ZNF26: variants seen among roughly 807,000 people sequenced by gnomAD.
The protein encoded by ZNF26 is epididymis luminal protein 179.
In ZNF26, 32 loss-of-function variants were observed where a neutral mutation model predicts 54.9. The ratio of observed to expected loss-of-function variants is 0.58; its 90% CI spans 0.44 to 0.78. ZNF26 has a LOEUF of 0.78. ZNF26 is among the 30% of genes least tolerant of loss of function. The pLI, the probability that ZNF26 is intolerant of heterozygous loss-of-function variation, is 0.00. For synonymous variants in ZNF26, 221 were observed against 209.2 expected, an observed-to-expected ratio of 1.06 and a Z score of -0.49; for missense variants, 524 against 634.0, an observed-to-expected ratio of 0.83 and a Z score of 1.86.
intron 3 of ZNF26, among the ~76,000 whole-genome samples, chr12:133,008,524 C>T (rs11837168): frequency 0.017 from 2,608 of 152,200 alleles, 78 homozygotes; most frequent in African/African-American, 0.059. Flanking sequence ...TGCCTGTAAT[C>T]CCAGCACTTT....
chr12:132,987,204 C>T (rs369026574), intron 1 of ZNF26, among the ~76,000 whole-genome samples: 2,382 of 152,314 alleles, frequency 0.016, 62 homozygotes, highest in African/African-American at 0.055. Context: ...GAGAAATGAT[C>T]AGTTCCTCCT....
chr12:132,998,052 G>A (rs1309434388), intron 1 of ZNF26, among the ~76,000 whole-genome samples: 5 of 151,810 alleles, frequency 3.3e-5, no homozygotes, highest in African/African-American at 1.2e-4. Flanking sequence ...CAACTTATTT[G>A]CAAATAAATT....
chr12:133,011,411 A>C lies in ZNF26; in HGVS notation c.1532A>C (p.Lys511Thr), dbSNP rs1953469956. Residue 511 changes from lysine to threonine, a missense_variant, in exon 4 of 4, where the codon AAA (lysine) becomes ACA (threonine). Transcript: ENST00000328654. ...QRVHTGEKPWKCSECGKSFCW... is the reference protein window; with the variant it reads ...QRVHTGEKPWTCSECGKSFCW... ...GTTCACACCGGAGAGAAACCATGGA[A>C]ATGCTCTGAATGTGGGAAATCCTTC... 5.0e-6 allele frequency: 8 copies of C among 1,599,108 alleles called. No individual in the cohort carries two copies. The highest frequency in any genetic ancestry group is 6.8e-6 in the Non-Finnish European group (8 of 1,173,832).
chr12:133,002,298 A>G (rs1953235720), intron 1 of ZNF26, among the ~76,000 whole-genome samples: 1 of 152,014 alleles, frequency 6.6e-6, no homozygotes, highest in African/African-American at 2.4e-5. Flanking sequence ...TCCCCACAGG[A>G]TGCCCAGAAT....
intron 1 of ZNF26, among the ~76,000 whole-genome samples, chr12:132,990,309 C>G (rs1379509136): frequency 6.6e-6 from 1 of 152,110 alleles, no homozygotes; most frequent in African/African-American, 2.4e-5. Flanking sequence ...AAAGTTTTTT[C>G]TGCATCTATC....
At position 133,024,933 on chromosome 12, in the gene ZNF26, A is replaced by C. The variant is rs1953682852; in HGVS notation, c.*13452A>C. ...GATGCTAACTTTACAGATAAGGACA[A>C]ACTGTATAAAAAAAGATATTTGAAC... On this transcript the variant is annotated 3_prime_UTR_variant, in exon 4 of 4. Coordinates refer to ENST00000328654, the MANE Select transcript of ZNF26 (RefSeq NM_019591.4). The C allele has an allele frequency of 6.6e-6, 1 of 152,232 alleles. No homozygotes were observed. The highest frequency in any genetic ancestry group is 1.5e-5 in the Non-Finnish European group (1 of 68,044). The allele number at this position is 152,232 out of a possible 1,614,324, so 9.4% of individuals were successfully genotyped here. A position where few individuals can be genotyped will look rare whatever the true frequency, so the allele number is the denominator to read the frequency against.
intron 1 of ZNF26, chr12:133,006,387 G>A (rs1337313875): frequency 1.4e-6 from 1 of 710,166 alleles, no homozygotes. Flanking sequence ...GACTACTTGA[G>A]TGGCTCTCTT....
chr12:133,025,867 C>T lies in ZNF26; in HGVS notation c.*14386C>T, dbSNP rs1953696464. On this transcript the variant is annotated 3_prime_UTR_variant, in exon 4 of 4. Transcript: ENST00000328654. ...AAAGGTGATGCAGCTTCCATCTTGTCACTGGAATTCACACTCTTGAACCAT... is the reference window on the plus strand; with the variant it reads ...AAAGGTGATGCAGCTTCCATCTTGTTACTGGAATTCACACTCTTGAACCAT... 6.6e-6 allele frequency: 1 copy of T among 152,222 alleles called. No homozygotes were observed. Among genetic ancestry groups the T allele is most frequent in the East Asian group, 1.9e-4 (1 of 5,188 alleles). The allele number at this position is 152,222 out of a possible 1,614,324, so 9.4% of individuals were successfully genotyped here. A position where few individuals can be genotyped will look rare whatever the true frequency, so the allele number is the denominator to read the frequency against.
Position 133,013,098 on chromosome 12 carries a change from A to G in ZNF26, c.*1617A>G, listed in dbSNP as rs1310545215. 1.3e-5 allele frequency: 2 copies of G among 152,208 alleles called. No homozygotes were observed. The highest frequency in any genetic ancestry group is 4.8e-5 in the African/African-American group (2 of 41,440). 9.4% of individuals were successfully genotyped at this position (152,208 alleles called of 1,614,324 possible). ...GAACGTTGTAGTGCCTGATACTGAA[A>G]TTTTGGAAACACTGAAGAATTATAG... On this transcript the variant is annotated 3_prime_UTR_variant, in exon 4 of 4. Transcript: ENST00000328654.
rs1009560814 is a variant in ZNF26, at chr12:132,986,717, C to T, written c.-124C>T. 9.2e-7 allele frequency: 1 copy of T among 1,088,502 alleles called. No individual in the cohort carries two copies. Among genetic ancestry groups the T allele is most frequent in the East Asian group, 2.6e-5 (1 of 38,562 alleles). 67.4% of individuals were successfully genotyped at this position (1,088,502 alleles called of 1,614,324 possible). On this transcript the variant is annotated 5_prime_UTR_variant, in exon 1 of 4. Coordinates refer to ENST00000328654, the MANE Select transcript of ZNF26 (RefSeq NM_019591.4). ...CGGCGTCCCTGCCAACGACTCGGCC[C>T]CGGGACGGTCAGGAGCCTGGGGCCC...
chr12:132,986,715 C>A lies in ZNF26; in HGVS notation c.-126C>A. 1.9e-6 allele frequency: 2 copies of A among 1,050,390 alleles called. No individual in the cohort carries two copies. Among genetic ancestry groups the A allele is most frequent in the Non-Finnish European group, 2.8e-6 (2 of 724,554 alleles). 65.1% of individuals were successfully genotyped at this position (1,050,390 alleles called of 1,614,324 possible). ...GCCGGCGTCCCTGCCAACGACTCGG[C>A]CCCGGGACGGTCAGGAGCCTGGGGC... On this transcript the variant is annotated 5_prime_UTR_variant, in exon 1 of 4. Coordinates refer to ENST00000328654, the MANE Select transcript of ZNF26 (RefSeq NM_019591.4).
At chr12:132,987,004 T>C in intron 1 of ZNF26, 131 bp downstream of exon 1, 8 of 1,019,264 alleles carry the variant, frequency 7.8e-6, no homozygotes, top group East Asian at 2.8e-5. Context: ...TAGACTACCC[T>C]CCCCACCAAA....
rs1953555443 is a variant in ZNF26, at chr12:133,015,515, A to C, written c.*4034A>C. The C allele has an allele frequency of 6.8e-6, 1 of 147,386 alleles. No individual in the cohort carries two copies. The highest frequency in any genetic ancestry group is 2.5e-5 in the African/African-American group (1 of 39,758). The allele number at this position is 147,386 out of a possible 1,614,324, so 9.1% of individuals were successfully genotyped here. On this transcript the variant is annotated 3_prime_UTR_variant, in exon 4 of 4. Coordinates refer to ENST00000328654, the MANE Select transcript of ZNF26 (RefSeq NM_019591.4). ...GAACTAAAAAATGAAAAAAAATAAG[A>C]TGCTTTCCTATGGTCCCAGCTACTT...
chr12:133,013,549 C>T lies in ZNF26; in HGVS notation c.*2068C>T, dbSNP rs1160294435. 1 of 156,550 alleles carries T rather than the reference C, an allele frequency of 6.4e-6. No homozygotes were observed. Among genetic ancestry groups the T allele is most frequent in the Non-Finnish European group, 1.4e-5 (1 of 70,036 alleles). The allele number at this position is 156,550 out of a possible 1,614,324, so 9.7% of individuals were successfully genotyped here. On this transcript the variant is annotated 3_prime_UTR_variant, in exon 4 of 4. Transcript: ENST00000328654. The stretch of plus-strand genomic sequence containing the variant: ...ATCTGCGAAGAACCTGAGGCCTCAG[C>T]CTAGCAAACTCTTCTGATAGACTTT...
intron 1 of ZNF26, among the ~76,000 whole-genome samples, chr12:132,988,985 G>C (rs1240872803): frequency 1.4e-5 from 2 of 146,640 alleles, no homozygotes; most frequent in Admixed American, 1.4e-4. Flanking sequence ...TTTGTATCCT[G>C]CAACCTTGGT....
chr12:133,006,342 A>G, intron 1 of ZNF26: 4 of 971,126 alleles, frequency 4.1e-6, no homozygotes, highest in Non-Finnish European at 4.9e-6. Context: ...TGCCCTTTCT[A>G]CCCCAACTTC....
At chr12:133,009,612 A>G (rs1953425003) in intron 3 of ZNF26, among the ~76,000 whole-genome samples, 1 of 152,104 alleles carries the variant, frequency 6.6e-6, no homozygotes, top group Non-Finnish European at 1.5e-5. Context: ...AAAATCTTAA[A>G]AATATGAACA....
At chr12:132,988,409 A>AT (rs878891399) in intron 1 of ZNF26, among the ~76,000 whole-genome samples, 2,515 of 147,596 alleles carry the variant, frequency 0.017, 72 homozygotes, top group African/African-American at 0.06. Flanking sequence ...CTAATTAAAA[A>AT]TTTTTTTTTT....
chr12:133,002,029 C>T (rs1449364519), intron 1 of ZNF26, among the ~76,000 whole-genome samples: 20 of 152,138 alleles, frequency 1.3e-4, no homozygotes, highest in Non-Finnish European at 1.8e-4. Context: ...TTTCTTCTCA[C>T]GTGTTCTTAG....
Sources: allele counts gnomAD v4.1 joint callset (sites outside exome capture counted in the v4.1 genomes callset), GRCh38; gene constraint gnomAD v4.1.1; transcripts MANE v1.5; gene names NCBI Gene and HGNC (gene_info 2026-07-23, HGNC 2026-07-21).